The following ADCK1 variants were observed in gnomAD, a reference collection of about 807,000 sequenced individuals.
The protein encoded by ADCK1 is aarF domain-containing protein kinase 1.
Under a neutral mutation model 52.3 loss-of-function variants are expected in ADCK1, and 41 were observed. The observed-to-expected ratio is 0.78, with a 90% CI of 0.61 to 1.02. ADCK1 has a LOEUF of 1.02. Among genes scored for constraint, ADCK1 ranks in the 50% least tolerant of loss-of-function variants. ADCK1 has a pLI of 0.00. For missense variants in ADCK1, 658 were observed against 679.5 expected (o/e 0.97, Z 0.35); for synonymous variants, 250 against 274.6 (o/e 0.91, Z 0.89).
At chr14:77,907,719 C>A in intron 6 of ADCK1, 84 bp from the exon 7 acceptor site, 1 of 1,002,746 alleles carries the variant, frequency 1.0e-6, no homozygotes, top group African/African-American at 1.6e-5. Context: ...GCCTCTGTTG[C>A]TGTCTGGCTC....
At chr14:77,920,039 C>A (rs1318942459) in intron 7 of ADCK1, among the ~76,000 whole-genome samples, 3 of 152,156 alleles carry the variant, frequency 2.0e-5, no homozygotes, top group Non-Finnish European at 2.9e-5. Flanking sequence ...GGATTCCTTC[C>A]ACTCTGTGGA....
chr14:77,899,236 T>C lies in ADCK1; in HGVS notation c.719T>C (p.Leu240Pro), dbSNP rs1262761707. The C allele has an allele frequency of 6.2e-7, 1 of 1,614,144 alleles. No homozygotes were observed. Among genetic ancestry groups the C allele is most frequent in the East Asian group, 2.2e-5 (1 of 44,880 alleles). ...AATGCTGAGAAGGTGTCCCAGATGC[T>C]CAGGCATTTTGACTTCTTGAAGGTA... ...GRNAEKVSQM[L>P]RHFDFLKVPR... Residue 240 changes from leucine to proline, a missense_variant, in exon 6 of 11, where the codon CTC becomes CCC. Leu to Pro is a moderately conservative substitution (Grantham distance 98). Coordinates refer to ENST00000238561, the MANE Select transcript of ADCK1 (RefSeq NM_020421.4).
At chr14:77,915,572 A>C (rs1380620404) in intron 7 of ADCK1, among the ~76,000 whole-genome samples, 1 of 152,126 alleles carries the variant, frequency 6.6e-6, no homozygotes, top group Non-Finnish European at 1.5e-5. Context: ...ATGGAATACT[A>C]TGCAGCCATA....
chr14:77,850,517 T>A (rs893548684), intron 3 of ADCK1, among the ~76,000 whole-genome samples: 1 of 152,234 alleles, frequency 6.6e-6, no homozygotes, highest in Non-Finnish European at 1.5e-5. Context: ...ATCCTCTTGA[T>A]GGATTGATCC....
chr14:77,849,568 C>G (rs936638872), intron 3 of ADCK1, among the ~76,000 whole-genome samples: 2 of 151,722 alleles, frequency 1.3e-5, no homozygotes, highest in Non-Finnish European at 2.9e-5. Context: ...TTCAGCCACT[C>G]AAGTAGCTGG....
intron 5 of ADCK1, among the ~76,000 whole-genome samples, chr14:77,889,505 C>T (rs567525417): frequency 5.3e-5 from 8 of 152,300 alleles, no homozygotes; most frequent in Non-Finnish European, 8.8e-5. Context: ...CTATGTTACT[C>T]CCAGATCATA....
chr14:77,806,946 C>T (rs1436084684), intron 1 of ADCK1, among the ~76,000 whole-genome samples: 2 of 151,710 alleles, frequency 1.3e-5, no homozygotes, highest in African/African-American at 2.4e-5. Context: ...AACTCCTGAC[C>T]TCAAATGATC....
chr14:77,887,239 T>A lies in ADCK1; in HGVS notation c.572T>A (p.Leu191His). Residue 191 changes from leucine (L) to histidine (H), a missense_variant, in exon 5 of 11, where the codon CTC becomes CAC. Transcript: ENST00000238561. ...KVRAQSSKDI[L>H]LMEVLVLAVK... is the part of the protein sequence containing the mutation. ...CGGGCTCAGAGCTCGAAGGACATTC[T>A]CCTGATGGAGGTGAGAGCCCTCCCT... is the stretch of plus-strand genomic sequence containing the variant. The A allele has an allele frequency of 1.3e-6, 2 of 1,580,448 alleles. No homozygotes were observed. The highest frequency in any genetic ancestry group is 1.7e-6 in the Non-Finnish European group (2 of 1,163,902).
At chr14:77,812,391 T>TAC (rs1210880576) in intron 1 of ADCK1, among the ~76,000 whole-genome samples, 2 of 152,214 alleles carry the variant, frequency 1.3e-5, no homozygotes, top group African/African-American at 4.8e-5. Flanking sequence ...GTATTTGTCT[T>TAC]TCTGTGTCTG....
intron 4 of ADCK1, among the ~76,000 whole-genome samples, chr14:77,878,521 G>A (rs1161789721): frequency 6.6e-6 from 1 of 152,208 alleles, no homozygotes; most frequent in Non-Finnish European, 1.5e-5. Context: ...TGGGTGCAGG[G>A]CCCGTCTTGC....
intron 7 of ADCK1, 69 bp downstream of exon 7, chr14:77,907,988 C>G: frequency 1.5e-6 from 2 of 1,351,670 alleles, no homozygotes; most frequent in African/African-American, 2.9e-5. Flanking sequence ...CAGGAAGTGC[C>G]TGTGTGTCCA....
chr14:77,801,529 G>C (rs577034050), intron 1 of ADCK1, among the ~76,000 whole-genome samples: 13 of 152,188 alleles, frequency 8.5e-5, no homozygotes, highest in African/African-American at 3.1e-4. Context: ...GTCATTCTTT[G>C]CTTGGCCATT....
chr14:77,870,098 A>G (rs2082743804), intron 4 of ADCK1, among the ~76,000 whole-genome samples: 1 of 152,220 alleles, frequency 6.6e-6, no homozygotes, highest in African/African-American at 2.4e-5. Flanking sequence ...TTTATTTGGT[A>G]CTTGTTATGT....
At position 77,934,869 on chromosome 14, in the gene ADCK1, T is replaced by C. The variant is rs1284592779; in HGVS notation, c.*1478T>C. ...TTTATTTCCCAAAAGAATTAATTGT[T>C]CTTAGTGACCAGTTGGATGCACCCA... On this transcript the variant is annotated 3_prime_UTR_variant, in exon 11 of 11. Coordinates refer to ENST00000238561, the MANE Select transcript of ADCK1 (RefSeq NM_020421.4). 2 of 152,240 alleles carry C rather than the reference T, an allele frequency of 1.3e-5. No homozygotes were observed. The highest frequency in any genetic ancestry group is 1.3e-4 in the Admixed American group (2 of 15,286). 9.4% of individuals were successfully genotyped at this position (152,240 alleles called of 1,614,324 possible). A position where few individuals can be genotyped will look rare whatever the true frequency, so the allele number is the denominator to read the frequency against.
At chr14:77,867,597 G>A (rs1007510907) in intron 4 of ADCK1, among the ~76,000 whole-genome samples, 4 of 152,162 alleles carry the variant, frequency 2.6e-5, no homozygotes, top group African/African-American at 7.2e-5. Flanking sequence ...CTGTCAGCAC[G>A]GACGGATGGC....
chr14:77,888,270 G>A (rs1239809447), intron 5 of ADCK1, among the ~76,000 whole-genome samples: 1 of 152,096 alleles, frequency 6.6e-6, no homozygotes, highest in Non-Finnish European at 1.5e-5. Flanking sequence ...GGATAACTTC[G>A]ACCTGTTCAG....
chr14:77,890,858 T>G (rs2083269641), intron 5 of ADCK1, among the ~76,000 whole-genome samples: 1 of 151,996 alleles, frequency 6.6e-6, no homozygotes, highest in Non-Finnish European at 1.5e-5. Context: ...GAGCATAGGA[T>G]TAAATACTGA....
chr14:77,853,390 G>T (rs552145380), intron 3 of ADCK1, among the ~76,000 whole-genome samples: 1 of 152,276 alleles, frequency 6.6e-6, no homozygotes, highest in African/African-American at 2.4e-5. Context: ...AAAATGCTGG[G>T]ATTACAGGTG....
At chr14:77,807,290 G>T (rs1416857828) in intron 1 of ADCK1, among the ~76,000 whole-genome samples, 1 of 148,652 alleles carries the variant, frequency 6.7e-6, no homozygotes, top group Non-Finnish European at 1.5e-5. Flanking sequence ...GGATGGTCTC[G>T]ATCTCCTGAC....
Sources: gnomAD v4.1 joint callset for allele counts (sites outside exome capture counted in the v4.1 genomes callset) on GRCh38, gnomAD v4.1.1 for gene constraint, MANE v1.5 for transcripts, NCBI Gene and HGNC (gene_info 2026-07-23, HGNC 2026-07-21) for gene names.